The following LRRTM3 variants were observed in gnomAD, a reference collection of about 807,000 sequenced individuals.
The protein encoded by LRRTM3 is leucine rich repeat transmembrane neuronal 3.
LRRTM3 carries 24 observed loss-of-function variants against 44.7 expected under a neutral mutation model. The ratio of observed to expected loss-of-function variants is 0.54; its 90% CI spans 0.39 to 0.76. LRRTM3 has a LOEUF of 0.76. Among genes scored for constraint, LRRTM3 ranks in the 30% least tolerant of loss-of-function variants. The pLI, the probability that LRRTM3 is intolerant of heterozygous loss-of-function variation, is 0.00. For missense variants in LRRTM3, 587 were observed against 702.2 expected, an observed-to-expected ratio of 0.84 and a Z score of 1.85; for synonymous variants, 277 against 278.7, an observed-to-expected ratio of 0.99 and a Z score of 0.06.
At chr10:66,989,442 C>G (rs1204676565) in intron 2 of LRRTM3, among the ~76,000 whole-genome samples, 1 of 152,106 alleles carries the variant, frequency 6.6e-6, no homozygotes, top group African/African-American at 2.4e-5. Flanking sequence ...ACTTTAATAG[C>G]TGAATTCATT....
chr10:66,960,955 A>G (rs1201691317), intron 2 of LRRTM3, among the ~76,000 whole-genome samples: 1 of 152,162 alleles, frequency 6.6e-6, no homozygotes, highest in Non-Finnish European at 1.5e-5. Context: ...ATCACAAGGG[A>G]TCCTTTCTGA....
rs988367086 is a variant in LRRTM3, at chr10:67,012,460, T to C, written c.1536+84008T>C. ...GTTATAGCTCACAATTGTGAGGAAATTATAAATATTTGCCTTTATGATTTT... is the reference window on the plus strand; with the variant it reads ...GTTATAGCTCACAATTGTGAGGAAACTATAAATATTTGCCTTTATGATTTT... On this transcript the variant is annotated intron_variant, in intron 2 of 2. Transcript: ENST00000361320. 3.3e-5 allele frequency: 5 copies of C among 152,188 alleles called. No individual in the cohort carries two copies. In the East Asian group the frequency reaches 9.6e-4, roughly 29 times the overall value. 9.4% of individuals were successfully genotyped at this position (152,188 alleles called of 1,614,324 possible).
chr10:66,977,607 T>G (rs1292959539), intron 2 of LRRTM3, among the ~76,000 whole-genome samples: 4 of 152,202 alleles, frequency 2.6e-5, no homozygotes, highest in African/African-American at 9.7e-5. Context: ...AGCATTCCTA[T>G]CTAAAGAGCT....
In LRRTM3 at chr10:67,004,370, G is replaced by C. The variant is rs116342572; in HGVS notation, c.1536+75918G>C. ...AATCAAAAAATTAAATGGTAATGAT[G>C]AGGATGAGAAAAGGAGAGAAATGTA... On this transcript the variant is annotated intron_variant, in intron 2 of 2. Coordinates refer to ENST00000361320, the MANE Select transcript of LRRTM3 (RefSeq NM_178011.5). Among the ~76,000 whole-genome samples, 765 of 152,304 alleles carry C rather than the reference G, an allele frequency of 5.0e-3. 7 individuals carry two copies. Among genetic ancestry groups the C allele is most frequent in the African/African-American group, 0.017 (723 of 41,574 alleles).
At chr10:67,065,306 T>G (rs980598368) in intron 2 of LRRTM3, among the ~76,000 whole-genome samples, 3 of 152,178 alleles carry the variant, frequency 2.0e-5, no homozygotes, top group Admixed American at 2.0e-4. Flanking sequence ...CCAAGGTTAA[T>G]AATTCCTATC....
intron 2 of LRRTM3, among the ~76,000 whole-genome samples, chr10:67,033,481 T>C (rs1853858261): frequency 6.6e-6 from 1 of 152,198 alleles, no homozygotes; most frequent in Admixed American, 6.5e-5. Flanking sequence ...CTGAAAACCA[T>C]TACTGTATAC....
intron 2 of LRRTM3, among the ~76,000 whole-genome samples, chr10:66,992,474 T>C (rs1023608191): frequency 1.3e-5 from 2 of 152,072 alleles, no homozygotes; most frequent in African/African-American, 4.8e-5. Context: ...AATAAAAAAT[T>C]CTTTGTCAGT....
chr10:67,097,519 C>G (rs1858077054), intron 2 of LRRTM3, 68 bp from the exon 3 acceptor site: 1 of 1,404,108 alleles, frequency 7.1e-7, no homozygotes, highest in African/African-American at 1.4e-5. Flanking sequence ...GCACTTCAGT[C>G]TCTAAATCTT....
At chr10:66,963,747 T>A (rs1849249800) in intron 2 of LRRTM3, among the ~76,000 whole-genome samples, 1 of 152,014 alleles carries the variant, frequency 6.6e-6, no homozygotes, top group African/African-American at 2.4e-5. Context: ...GACATTATCA[T>A]CTGAAATGGA....
chr10:67,087,980 T>C (rs1008906724), intron 2 of LRRTM3, among the ~76,000 whole-genome samples: 9 of 151,956 alleles, frequency 5.9e-5, no homozygotes, highest in African/African-American at 2.2e-4. Context: ...TGGTCTAATA[T>C]GAGATAAAAG....
At chr10:66,945,839 C>A (rs1461023168) in intron 2 of LRRTM3, among the ~76,000 whole-genome samples, 1 of 151,928 alleles carries the variant, frequency 6.6e-6, no homozygotes, top group Non-Finnish European at 1.5e-5. Flanking sequence ...GGGAGGCCCA[C>A]AGTAAGGGAG....
intron 2 of LRRTM3, chr10:67,015,426 C>T (rs1376286412): frequency 1.3e-5 from 2 of 152,114 alleles, no homozygotes; most frequent in Non-Finnish European, 2.9e-5. Context: ...TCTCTTGATA[C>T]TATATTTGAC....
At position 66,926,917 on chromosome 10, in the gene LRRTM3, C is replaced by G; in HGVS notation, c.5-4C>G. On this transcript the variant is annotated splice_region_variant and splice_polypyrimidine_tract_variant and intron_variant, in intron 1 of 2. Transcript: ENST00000361320. ...TAACTTTTCTAAGTTGTTTTTATTT[C>G]CAGGTTTCAATGTAATTAGGCTACT... The G allele has an allele frequency of 6.5e-7, 1 of 1,547,500 alleles. No individual in the cohort carries two copies. Among genetic ancestry groups the G allele is most frequent in the Middle Eastern group, 1.7e-4 (1 of 5,752 alleles).
At chr10:66,978,009 C>T (rs1292184464) in intron 2 of LRRTM3, among the ~76,000 whole-genome samples, 1 of 151,504 alleles carries the variant, frequency 6.6e-6, no homozygotes, top group Non-Finnish European at 1.5e-5. Flanking sequence ...ATATAGAAAT[C>T]CATACTTTAG....
rs995597631 is a variant in LRRTM3, at chr10:66,926,706, G to A, written c.4+119G>A. On this transcript the variant is annotated intron_variant, in intron 1 of 2. Transcript: ENST00000361320. Reference sequence around the variant, plus strand: ...TTACCTTGCTCTGCTCTAAGACTATGAATTTATTTGCTTAGTGGCATGTTT... The same window carrying A: ...TTACCTTGCTCTGCTCTAAGACTATAAATTTATTTGCTTAGTGGCATGTTT... 12 of 1,217,792 alleles carry A rather than the reference G, an allele frequency of 9.9e-6. No homozygotes were observed. In the African/African-American group the frequency reaches 1.5e-4, roughly 16 times the overall value. 75.4% of individuals were successfully genotyped at this position (1,217,792 alleles called of 1,614,324 possible).
At chr10:66,967,729 A>G (rs1160875332) in intron 2 of LRRTM3, among the ~76,000 whole-genome samples, 2 of 152,128 alleles carry the variant, frequency 1.3e-5, no homozygotes, top group Non-Finnish European at 2.9e-5. Flanking sequence ...TGAGGTGTGA[A>G]ACATAAAGAT....
chr10:67,003,551 C>G (rs1454612139), intron 2 of LRRTM3, among the ~76,000 whole-genome samples: 1 of 152,166 alleles, frequency 6.6e-6, no homozygotes, highest in Non-Finnish European at 1.5e-5. Flanking sequence ...ACTGAAGGCT[C>G]TTATAAGTCC....
intron 2 of LRRTM3, among the ~76,000 whole-genome samples, chr10:66,986,396 C>A (rs1169801715): frequency 1.3e-5 from 2 of 152,084 alleles, no homozygotes; most frequent in Non-Finnish European, 2.9e-5. Flanking sequence ...ACTCTGGAGG[C>A]TGAGACAGGA....
At chr10:66,979,615 A>T (rs1216852434) in intron 2 of LRRTM3, among the ~76,000 whole-genome samples, 1 of 152,152 alleles carries the variant, frequency 6.6e-6, no homozygotes, top group East Asian at 1.9e-4. Flanking sequence ...CAATTGCCAC[A>T]TCAGTAAAAT....
Sources: allele counts gnomAD v4.1 joint callset (sites outside exome capture counted in the v4.1 genomes callset), GRCh38; gene constraint gnomAD v4.1.1; transcripts MANE v1.5; gene names NCBI Gene and HGNC (gene_info 2026-07-23, HGNC 2026-07-21).